Variants in MTSS1 observed in about 807,000 individuals in gnomAD.
MTSS1 encodes the protein MTSS I-BAR domain containing 1, also known as protein MTSS 1.
A neutral mutation model predicts 79.0 loss-of-function variants in MTSS1; 18 were observed. That is an observed-to-expected ratio of 0.23 (90% CI 0.16 to 0.34). MTSS1 has a LOEUF of 0.34. Ranked by LOEUF, MTSS1 falls within the 10% of genes least tolerant of loss-of-function variation. The pLI is 1.00. For missense variants in MTSS1, 815 were observed against 986.2 expected, an observed-to-expected ratio of 0.83 and a Z score of 2.33; for synonymous variants, 341 against 368.6, an observed-to-expected ratio of 0.93 and a Z score of 0.86.
At chr8:124,580,172 C>CTGTTT (rs4007922) in intron 6 of MTSS1, 106,023 of 166,846 alleles carry the variant, frequency 0.64, 34,184 homozygotes, top group Non-Finnish European at 0.68. Context: ...GCTTGCAGCT[C>CTGTTT]TGTTTGTGGC....
At chr8:124,662,212 C>T (rs966696472) in intron 3 of MTSS1, among the ~76,000 whole-genome samples, 2 of 152,006 alleles carry the variant, frequency 1.3e-5, no homozygotes, top group Non-Finnish European at 1.5e-5. Flanking sequence ...CGGGTGCCTA[C>T]CTCACACCAC....
At chr8:124,584,408 G>A (rs1830509701) in intron 6 of MTSS1, among the ~76,000 whole-genome samples, 1 of 152,210 alleles carries the variant, frequency 6.6e-6, no homozygotes, top group African/African-American at 2.4e-5. Flanking sequence ...TTTTTAGGTG[G>A]TAGTAAAATG....
intron 10 of MTSS1, chr8:124,558,568 T>C: frequency 8.4e-7 from 1 of 1,196,254 alleles, no homozygotes; most frequent in Non-Finnish European, 1.1e-6. Context: ...CCCTCAGCCT[T>C]GTCCCACCCT....
Position 124,568,284 on chromosome 8 carries a change from A to G in MTSS1, c.618+95T>C, listed in dbSNP as rs934362642. 6 of 1,398,148 alleles carry G rather than the reference A, an allele frequency of 4.3e-6. No individual in the cohort carries two copies. In the African/African-American group the frequency reaches 8.6e-5, roughly 20 times the overall value. The allele number at this position is 1,398,148 out of a possible 1,614,324, so 86.6% of individuals were successfully genotyped here. ...TACCACCATCATGATTCCTGACAGTAGATTCTCCATGACTCAACAGTGGAT... is the reference window on the plus strand; with the variant it reads ...TACCACCATCATGATTCCTGACAGTGGATTCTCCATGACTCAACAGTGGAT... On this transcript the variant is annotated intron_variant, in intron 7 of 13. Transcript: ENST00000518547.
At chr8:124,688,281 ATGTG>A (rs1350135058) in intron 3 of MTSS1, among the ~76,000 whole-genome samples, 1 of 151,148 alleles carries the variant, frequency 6.6e-6, no homozygotes, top group Non-Finnish European at 1.5e-5. Flanking sequence ...GTGTGTATAT[ATGTG>A]TGTACGTGTA....
intron 1 of MTSS1, among the ~76,000 whole-genome samples, chr8:124,717,330 A>G (rs528840364): frequency 7.8e-4 from 118 of 151,672 alleles, no homozygotes; most frequent in Non-Finnish European, 1.4e-3. Context: ...CATCTTTACT[A>G]AAGATACAAA....
chr8:124,693,728 T>G (rs766478640), intron 3 of MTSS1, among the ~76,000 whole-genome samples: 1 of 152,216 alleles, frequency 6.6e-6, no homozygotes, highest in African/African-American at 2.4e-5. Flanking sequence ...TTTTCCCTTT[T>G]CTCTTCTAAC....
chr8:124,655,067 T>A (rs1183352650), intron 3 of MTSS1, among the ~76,000 whole-genome samples: 1 of 152,228 alleles, frequency 6.6e-6, no homozygotes, highest in Non-Finnish European at 1.5e-5. Flanking sequence ...TCTTTTCTGC[T>A]CTCTAGCCCC....
Position 124,700,655 on chromosome 8 carries a change from T to G in MTSS1, c.135-1056A>C, listed in dbSNP as rs567137869. Among the ~76,000 whole-genome samples, 5 of 152,298 alleles carry G rather than the reference T, an allele frequency of 3.3e-5. No homozygotes were observed. The East Asian group carries it at 9.6e-4, about 29-fold the overall frequency. ...AATTATTCTGGGTTCTTAATATTTTTTTGGACACCATAGGATGCCTTGAGC... is the reference window on the plus strand; with the variant it reads ...AATTATTCTGGGTTCTTAATATTTTGTTGGACACCATAGGATGCCTTGAGC... On this transcript the variant is annotated intron_variant, in intron 2 of 13. Coordinates refer to ENST00000518547, the MANE Select transcript of MTSS1 (RefSeq NM_014751.6).
chr8:124,688,819 A>C (rs1827455400), intron 3 of MTSS1, among the ~76,000 whole-genome samples: 1 of 152,198 alleles, frequency 6.6e-6, no homozygotes. Flanking sequence ...TAGAAAACCC[A>C]ACGCTAGAAT....
At chr8:124,690,859 T>C (rs1052707483) in intron 3 of MTSS1, among the ~76,000 whole-genome samples, 1 of 152,228 alleles carries the variant, frequency 6.6e-6, no homozygotes, top group African/African-American at 2.4e-5. Flanking sequence ...GGTATTTTTT[T>C]AAATTTATAA....
chr8:124,651,242 T>C (rs924811849), intron 3 of MTSS1, among the ~76,000 whole-genome samples: 4 of 152,176 alleles, frequency 2.6e-5, no homozygotes, highest in African/African-American at 9.7e-5. Flanking sequence ...AACAATGACA[T>C]TTTTCAAAAA....
intron 3 of MTSS1, among the ~76,000 whole-genome samples, chr8:124,603,048 T>C (rs1834198753): frequency 6.6e-6 from 1 of 152,032 alleles, no homozygotes; most frequent in East Asian, 1.9e-4. Context: ...CTTTCTGAGA[T>C]GTAGTCTTGC....
At chr8:124,572,750 T>C (rs1258038116) in intron 6 of MTSS1, among the ~76,000 whole-genome samples, 1 of 148,744 alleles carries the variant, frequency 6.7e-6, no homozygotes, top group Non-Finnish European at 1.5e-5. Flanking sequence ...TTTCTTTTTT[T>C]TTTTTTTTTT....
At chr8:124,660,324 A>G (rs1821763870) in intron 3 of MTSS1, among the ~76,000 whole-genome samples, 3 of 152,124 alleles carry the variant, frequency 2.0e-5, no homozygotes, top group Admixed American at 2.0e-4. Flanking sequence ...AAGAAGCAGC[A>G]CTTTAACCAA....
chr8:124,722,383 A>G (rs191325597), intron 1 of MTSS1, among the ~76,000 whole-genome samples: 13 of 152,304 alleles, frequency 8.5e-5, no homozygotes, highest in Non-Finnish European at 1.5e-4. Context: ...GAGAGCCCCA[A>G]GCCTAGGACT....
chr8:124,659,385 G>A (rs1026357963), intron 3 of MTSS1, among the ~76,000 whole-genome samples: 2 of 152,064 alleles, frequency 1.3e-5, no homozygotes, highest in Non-Finnish European at 2.9e-5. Flanking sequence ...CTTGCATCTC[G>A]GGAATCATGT....
At chr8:124,566,519 T>A (rs1311595910) in intron 8 of MTSS1, among the ~76,000 whole-genome samples, 1 of 152,214 alleles carries the variant, frequency 6.6e-6, no homozygotes, top group Non-Finnish European at 1.5e-5. Context: ...TCTCTTCCCA[T>A]AGTGTGCGTG....
chr8:124,696,589 C>A (rs13257787), intron 3 of MTSS1, among the ~76,000 whole-genome samples: 54,712 of 151,842 alleles, frequency 0.36, 10,589 homozygotes, highest in Non-Finnish European at 0.41. Flanking sequence ...GCGGTGGCTC[C>A]CGCCTGTAAT....
Sources: gnomAD v4.1 joint callset for allele counts (sites outside exome capture counted in the v4.1 genomes callset) on GRCh38, gnomAD v4.1.1 for gene constraint, MANE v1.5 for transcripts, NCBI Gene and HGNC (gene_info 2026-07-23, HGNC 2026-07-21) for gene names.